The following EXO1 variants were observed in gnomAD, a reference collection of about 807,000 sequenced individuals.
EXO1 encodes exonuclease 1.
In EXO1, 69 loss-of-function variants were observed where a neutral mutation model predicts 84.5. The observed-to-expected ratio is 0.82, with a 90% CI of 0.67 to 1.00. The LOEUF is 1.00. Among genes scored for constraint, EXO1 ranks in the 50% least tolerant of loss-of-function variants. The pLI is 0.00. For missense variants in EXO1, 1,045 were observed against 1,000.7 expected (o/e 1.04, Z -0.60); for synonymous variants, 373 against 366.1 (o/e 1.02, Z -0.21).
chr1:241,860,016 C>T (rs188910114), intron 8 of EXO1, among the ~76,000 whole-genome samples: 44 of 152,310 alleles, frequency 2.9e-4, no homozygotes, highest in African/African-American at 9.9e-4. Flanking sequence ...CTCCAGGATC[C>T]GTTTGGTTCT....
At chr1:241,873,661 T>TC (rs1317310593) in intron 12 of EXO1, among the ~76,000 whole-genome samples, 1 of 152,208 alleles carries the variant, frequency 6.6e-6, no homozygotes, top group Non-Finnish European at 1.5e-5. Flanking sequence ...TTTTTGTTTT[T>TC]CAGAAGCTTG....
chr1:241,885,068 G>T (rs4149998), intron 14 of EXO1, among the ~76,000 whole-genome samples: 1 of 151,922 alleles, frequency 6.6e-6, no homozygotes, highest in Non-Finnish European at 1.5e-5. Context: ...TTAGCGAGGC[G>T]TGGTGGCGGG....
intron 12 of EXO1, among the ~76,000 whole-genome samples, chr1:241,876,505 C>T (rs1016260425): frequency 1.4e-4 from 22 of 151,798 alleles, no homozygotes; most frequent in Non-Finnish European, 2.9e-4. Flanking sequence ...TAGCTTGAAC[C>T]CAGGAGGAGG....
intron 10 of EXO1, among the ~76,000 whole-genome samples, chr1:241,865,818 C>T (rs1661681215): frequency 6.6e-6 from 1 of 152,186 alleles, no homozygotes; most frequent in South Asian, 2.1e-4. Flanking sequence ...ATGAGCCATA[C>T]TGATAAAGCT....
chr1:241,875,580 A>G (rs951275643), intron 12 of EXO1, among the ~76,000 whole-genome samples: 3 of 152,188 alleles, frequency 2.0e-5, no homozygotes, highest in Non-Finnish European at 4.4e-5. Context: ...AGTGTTCTAG[A>G]TAATATACAC....
At chr1:241,878,188 A>G (rs2148506004) in intron 12 of EXO1, among the ~76,000 whole-genome samples, 1 of 152,334 alleles carries the variant, frequency 6.6e-6, no homozygotes. Context: ...ATGTGTATAT[A>G]GAAGACTGCT....
chr1:241,863,752 G>A (rs1387016138), intron 10 of EXO1, among the ~76,000 whole-genome samples: 1 of 152,104 alleles, frequency 6.6e-6, no homozygotes, highest in African/African-American at 2.4e-5. Context: ...CATGTAATAC[G>A]GTAGCCACTA....
chr1:241,873,941 G>A lies in EXO1; in HGVS notation c.1514+1663G>A, dbSNP rs78435418. ...GTGTAAAGATGGGGGGCAGCATGGG[G>A]CTCAGGACAACTCCTTGCTGTCTGT... is the stretch of plus-strand genomic sequence containing the variant. On this transcript the variant is annotated intron_variant, in intron 12 of 15. Coordinates refer to ENST00000366548, the MANE Select transcript of EXO1 (RefSeq NM_130398.4). 5.5e-3 allele frequency among the ~76,000 whole-genome samples: 841 copies of A among 152,262 alleles called. 6 individuals are homozygous for A. The highest frequency in any genetic ancestry group is 0.019 in the African/African-American group (802 of 41,550).
intron 10 of EXO1, among the ~76,000 whole-genome samples, chr1:241,864,878 CT>C (rs112285655): frequency 0.01 from 1,443 of 140,314 alleles, 11 homozygotes; most frequent in African/African-American, 0.025. Context: ...TTCTTTCTTT[CT>C]TTTTTTTTTT....
chr1:241,867,361 T>G (rs982958345), intron 11 of EXO1, among the ~76,000 whole-genome samples: 2 of 152,158 alleles, frequency 1.3e-5, no homozygotes, highest in African/African-American at 2.4e-5. Context: ...TTTTCCCTTA[T>G]AAAACCATCA....
intron 12 of EXO1, among the ~76,000 whole-genome samples, chr1:241,876,255 G>A (rs905580977): frequency 6.6e-6 from 1 of 152,198 alleles, no homozygotes; most frequent in Non-Finnish European, 1.5e-5. Context: ...AGTCTTTGAT[G>A]TGTCATTTTA....
intron 15 of EXO1, 119 bp downstream of exon 15, chr1:241,885,626 AATT>A: frequency 1.3e-6 from 1 of 799,632 alleles, no homozygotes; most frequent in Non-Finnish European, 2.2e-6. Context: ...ACTATAAAAT[AATT>A]ATTTTTCTCT....
At chr1:241,872,467 C>T (rs574044638) in intron 12 of EXO1, among the ~76,000 whole-genome samples, 189 bp downstream of exon 12, 316 of 152,186 alleles carry the variant, frequency 2.1e-3, no homozygotes, top group African/African-American at 7.3e-3. Context: ...AACCCGTCAC[C>T]TCCATTAGGT....
At chr1:241,862,038 G>A (rs962303170) in intron 10 of EXO1, among the ~76,000 whole-genome samples, 8 of 152,022 alleles carry the variant, frequency 5.3e-5, no homozygotes, top group African/African-American at 1.9e-4. Context: ...TCCCAGGTTC[G>A]AGCAATTCTC....
chr1:241,870,873 T>C (rs376177841), intron 11 of EXO1, among the ~76,000 whole-genome samples: 317 of 152,326 alleles, frequency 2.1e-3, no homozygotes, highest in African/African-American at 7.4e-3. Context: ...ATCTGGAGTA[T>C]ATGAGACAGA....
At position 241,850,534 on chromosome 1, in the gene EXO1, A is replaced by G. The variant is rs572094015; in HGVS notation, c.109A>G (p.Lys37Glu). 8.1e-5 allele frequency: 131 copies of G among 1,614,096 alleles called. No homozygotes were observed. Among genetic ancestry groups the G allele is most frequent in the Non-Finnish European group, 1.0e-4 (121 of 1,179,946 alleles). ...VAVDTYCWLH[K>E]GAIACAEKLA... ...TGTGGATACATATTGCTGGCTTCACAAAGGAGCTATTGCTTGTGCTGAAAA... is the reference window on the plus strand; with the variant it reads ...TGTGGATACATATTGCTGGCTTCACGAAGGAGCTATTGCTTGTGCTGAAAA... The change falls in exon 4 of 16, where the codon AAA becomes GAA. Residue 37 changes from lysine to glutamate, a missense_variant. Lys to Glu is a moderately conservative substitution (Grantham distance 56, BLOSUM62 1). Transcript: ENST00000366548.
chr1:241,862,406 C>G (rs536493396), intron 10 of EXO1, among the ~76,000 whole-genome samples: 1 of 152,310 alleles, frequency 6.6e-6, no homozygotes, highest in African/African-American at 2.4e-5. Context: ...ACGTAAAGAA[C>G]TCACATCTCC....
intron 11 of EXO1, among the ~76,000 whole-genome samples, chr1:241,870,118 T>C (rs186110603): frequency 1.8e-4 from 28 of 152,260 alleles, no homozygotes; most frequent in African/African-American, 6.5e-4. Flanking sequence ...CCTGTACATG[T>C]TCTTTCATTT....
chr1:241,858,719 G>A lies in EXO1; in HGVS notation c.756+1G>A. ...AGCCAATAATCCAGATATAGTAAAG[G>A]TAAGAGTGATTTGCTAAGTGTCATA... On this transcript the variant is annotated splice_donor_variant, in intron 8 of 15. Coordinates refer to ENST00000366548, the MANE Select transcript of EXO1 (RefSeq NM_130398.4). LOFTEE classifies it high-confidence loss of function. 1 of 1,593,990 alleles carries A rather than the reference G, an allele frequency of 6.3e-7. No homozygotes were observed. The highest frequency in any genetic ancestry group is 8.6e-7 in the Non-Finnish European group (1 of 1,161,568).
Sources: allele counts gnomAD v4.1 joint callset (sites outside exome capture counted in the v4.1 genomes callset), GRCh38; gene constraint gnomAD v4.1.1; transcripts MANE v1.5; gene names NCBI Gene and HGNC (gene_info 2026-07-23, HGNC 2026-07-21).